Variants in RARB observed in about 807,000 individuals in gnomAD.
RARB encodes the protein HBV-activated protein.
RARB carries 17 observed loss-of-function variants against 51.9 expected under a neutral mutation model. The ratio of observed to expected loss-of-function variants is 0.33; its 90% CI spans 0.22 to 0.49. The LOEUF is 0.49. Among genes scored for constraint, RARB ranks in the 20% least tolerant of loss-of-function variants. The pLI is 0.99. For synonymous variants in RARB, 215 were observed against 195.4 expected (o/e 1.10, Z -0.84); for missense variants, 369 against 550.8 (o/e 0.67, Z 3.30).
chr3:25,054,124 T>A (rs1401155199), intron 2 of RARB, among the ~76,000 whole-genome samples: 1 of 152,058 alleles, frequency 6.6e-6, no homozygotes, highest in Non-Finnish European at 1.5e-5. Flanking sequence ...GGCTCTGAGG[T>A]GAGTTAGTGA....
rs549461328 is a variant in RARB at position 25,232,667 on chromosome 3, T to G, written c.178+58092T>G. ...ATCTTGACTTCCAAGTGTGCATTGC[T>G]GATATATAGATGGTCCCCAACTTAT... On this transcript the variant is annotated intron_variant, in intron 5 of 11. Coordinates refer to the RARB transcript ENST00000383772. Among the ~76,000 whole-genome samples, 116 of 152,304 alleles carry G rather than the reference T, an allele frequency of 7.6e-4. 1 individual carries two copies. Among genetic ancestry groups the G allele is most frequent in the African/African-American group, 2.7e-3 (114 of 41,572 alleles).
chr3:25,017,560 C>T (rs1187048960), intron 2 of RARB, among the ~76,000 whole-genome samples: 1 of 152,120 alleles, frequency 6.6e-6, no homozygotes, highest in African/African-American at 2.4e-5. Flanking sequence ...TTAACTTCAG[C>T]TGTTTGATTG....
At chr3:25,136,029 C>A (rs1196597224) in intron 4 of RARB, among the ~76,000 whole-genome samples, 1 of 151,956 alleles carries the variant, frequency 6.6e-6, no homozygotes, top group Non-Finnish European at 1.5e-5. Context: ...ACATGTTGAA[C>A]AATTCCTTAT....
At chr3:25,334,621 A>T (rs537748021) in intron 5 of RARB, among the ~76,000 whole-genome samples, 1 of 152,320 alleles carries the variant, frequency 6.6e-6, no homozygotes, top group South Asian at 2.1e-4. Context: ...TGGCACATGT[A>T]TACATATGTA....
In RARB at chr3:25,340,565, C is replaced by T. The variant is rs112510162; in HGVS notation, c.179-120628C>T. Among the ~76,000 whole-genome samples, 171 of 152,292 alleles carry T rather than the reference C, an allele frequency of 1.1e-3. 1 individual carries two copies. The highest frequency in any genetic ancestry group is 3.4e-3 in the Middle Eastern group (1 of 294). ...AATTAATGTGTGGCTCTGACCAAAA[C>T]AAAACATTACTTAGAAGCAAGTGAG... On this transcript the variant is annotated intron_variant, in intron 5 of 11. Coordinates refer to the RARB transcript ENST00000383772.
intron 2 of RARB, among the ~76,000 whole-genome samples, chr3:24,966,257 G>C (rs1327659718): frequency 6.6e-6 from 1 of 152,132 alleles, no homozygotes; most frequent in Non-Finnish European, 1.5e-5. Flanking sequence ...AGGTGAAAGA[G>C]ACTGTTAGGT....
chr3:25,076,373 T>C (rs994777600), intron 3 of RARB, among the ~76,000 whole-genome samples: 1 of 152,158 alleles, frequency 6.6e-6, no homozygotes, highest in Admixed American at 6.5e-5. Context: ...TCTCCTGACC[T>C]TGTGATTTGC....
At chr3:24,883,976 C>A (rs1310748232) in intron 2 of RARB, among the ~76,000 whole-genome samples, 1 of 152,088 alleles carries the variant, frequency 6.6e-6, no homozygotes, top group East Asian at 1.9e-4. Context: ...GGTATTGTTA[C>A]ATTTGTTTCT....
chr3:25,576,466 C>G (rs1700936702), intron 4 of RARB, among the ~76,000 whole-genome samples: 1 of 152,262 alleles, frequency 6.6e-6, no homozygotes, highest in East Asian at 1.9e-4. Context: ...CCCACCACCC[C>G]ACCCCTGCAC....
chr3:24,868,086 C>G (rs1223513592), intron 2 of RARB, among the ~76,000 whole-genome samples: 1 of 152,138 alleles, frequency 6.6e-6, no homozygotes, highest in Admixed American at 6.6e-5. Flanking sequence ...TAAGAACTAT[C>G]TGTGAAATTA....
intron 3 of RARB, among the ~76,000 whole-genome samples, chr3:25,557,989 C>A (rs1346259084): frequency 1.3e-5 from 2 of 152,180 alleles, no homozygotes; most frequent in African/African-American, 2.4e-5. Context: ...TGGATATTTA[C>A]ATAGAATTTA....
chr3:24,953,960 A>T (rs534625339), intron 2 of RARB, among the ~76,000 whole-genome samples: 1 of 152,022 alleles, frequency 6.6e-6, no homozygotes, highest in Non-Finnish European at 1.5e-5. Flanking sequence ...GTTTGTTCTT[A>T]CTTTCTTTTC....
chr3:25,125,287 T>C (rs1054330195), intron 3 of RARB, among the ~76,000 whole-genome samples: 1 of 152,198 alleles, frequency 6.6e-6, no homozygotes, highest in Admixed American at 6.6e-5. Context: ...TTTAACACTT[T>C]TGTGTATTCA....
chr3:24,874,066 A>G (rs1349919502), intron 2 of RARB, among the ~76,000 whole-genome samples: 3 of 152,122 alleles, frequency 2.0e-5, no homozygotes, highest in Admixed American at 6.6e-5. Flanking sequence ...GATTTGAAAT[A>G]TACGAGAGGA....
chr3:25,383,290 T>A (rs980773185), intron 5 of RARB, among the ~76,000 whole-genome samples: 1 of 152,208 alleles, frequency 6.6e-6, no homozygotes, highest in African/African-American at 2.4e-5. Context: ...ACTGTGTGGC[T>A]CCTCTCTGCC....
chr3:24,993,736 T>C (rs1302085613), intron 2 of RARB, among the ~76,000 whole-genome samples: 2 of 152,096 alleles, frequency 1.3e-5, no homozygotes, highest in Non-Finnish European at 2.9e-5. Flanking sequence ...ATTTTTTAGC[T>C]TTTGCCTGAG....
At chr3:25,103,786 C>A (rs1699448135) in intron 3 of RARB, among the ~76,000 whole-genome samples, 1 of 152,218 alleles carries the variant, frequency 6.6e-6, no homozygotes, top group African/African-American at 2.4e-5. Flanking sequence ...TATTTTCCTC[C>A]ATTTTGATGG....
chr3:25,260,798 A>T (rs1702980373), intron 5 of RARB, among the ~76,000 whole-genome samples: 1 of 152,150 alleles, frequency 6.6e-6, no homozygotes, highest in Admixed American at 6.6e-5. Context: ...GGGTGACCTT[A>T]GGCAAGTTGA....
intron 5 of RARB, among the ~76,000 whole-genome samples, chr3:25,239,803 C>T (rs759043498): frequency 3.3e-5 from 5 of 151,742 alleles, no homozygotes; most frequent in East Asian, 1.9e-4. Flanking sequence ...TGGTTCCATA[C>T]AAATTTTTTC....
Sources: gnomAD v4.1 joint callset for allele counts (sites outside exome capture counted in the v4.1 genomes callset) on GRCh38, gnomAD v4.1.1 for gene constraint, MANE v1.5 for transcripts, NCBI Gene and HGNC (gene_info 2026-07-23, HGNC 2026-07-21) for gene names.